The following IFI27 variants were observed in gnomAD, a reference collection of about 807,000 sequenced individuals.
IFI27 encodes interferon alpha-inducible protein 27, mitochondrial.
IFI27 carries 3 observed loss-of-function variants against 8.9 expected under a neutral mutation model. The ratio of observed to expected loss-of-function variants is 0.34; its 90% CI spans 0.15 to 0.87. The LOEUF (loss-of-function observed/expected upper bound fraction) is 0.87. Among genes scored for constraint, IFI27 ranks in the 40% least tolerant of loss-of-function variants. The probability of loss-of-function intolerance (pLI) is 0.51; values close to 1 mark genes in which losing one functional copy is unlikely to be tolerated. For synonymous variants in IFI27, 66 were observed against 67.3 expected (o/e 0.98, Z 0.09); for missense variants, 152 against 157.7 (o/e 0.96, Z 0.19).
At position 94,115,835 on chromosome 14, in the gene IFI27, CG is replaced by C; in HGVS notation, c.179del (p.Gly60GlufsTer7). ...CTCAGTGCCATGGGCTTCACTGCGG[CG>C]GGAATCGCCTCGTCCTCCATAGCAG... On this transcript the variant is annotated frameshift_variant, in exon 4 of 5. Coordinates refer to ENST00000621160, the Ensembl canonical transcript of IFI27. LOFTEE classifies it high-confidence loss of function. The C allele has an allele frequency of 6.2e-7, 1 of 1,602,600 alleles. No homozygotes were observed. The highest frequency in any genetic ancestry group is 8.5e-7 in the Non-Finnish European group (1 of 1,174,214).
Position 94,112,383 on chromosome 14 carries a change from G to C in IFI27, c.91+610G>C, listed in dbSNP as rs139464943. ...TTGCGGGCATTTTAACTGACATGCAGGATGGTGTGCTGTAGATCCCATTCT... is the reference window on the plus strand; with the variant it reads ...TTGCGGGCATTTTAACTGACATGCACGATGGTGTGCTGTAGATCCCATTCT... On this transcript the variant is annotated intron_variant, in intron 2 of 4. Transcript: ENST00000621160. 2.7e-3 allele frequency among the ~76,000 whole-genome samples: 409 copies of C among 152,330 alleles called. 5 individuals are homozygous for C. In the South Asian group the frequency reaches 0.033, roughly 12 times the overall value.
At chr14:94,115,179 T>C (rs1887343772) in intron 3 of IFI27, 6 of 656,516 alleles carry the variant, frequency 9.1e-6, no homozygotes, top group Non-Finnish European at 1.7e-5. Flanking sequence ...TGAACTCCTC[T>C]GAGCTCCTGT....
upstream of IFI27, among the ~76,000 whole-genome samples, chr14:94,109,300 A>T (rs1025454767): frequency 4.9e-5 from 7 of 143,430 alleles, no homozygotes; most frequent in South Asian, 2.2e-4. Flanking sequence ...AAAACTCCAT[A>T]AAAAAAAAAA....
Position 94,116,065 on chromosome 14 carries a change from T to A in IFI27, c.283+123T>A, listed in dbSNP as rs1338605583. 3.8e-6 allele frequency: 4 copies of A among 1,053,840 alleles called. No homozygotes were observed. Among genetic ancestry groups the A allele is most frequent in the Non-Finnish European group, 5.7e-6 (4 of 704,828 alleles). The allele number at this position is 1,053,840 out of a possible 1,614,324, so 65.3% of individuals were successfully genotyped here. A position where few individuals can be genotyped will look rare whatever the true frequency, so the allele number is the denominator to read the frequency against. ...CTGTTCCTCTGTCTCTCTCTACACA[T>A]TCTCTCAGGGTTTCTCTGAGGGAGA... On this transcript the variant is annotated intron_variant, in intron 4 of 4. Transcript: ENST00000621160. This position sits in a 1 kb window ranked among gnomAD's most constrained non-coding sequence, Gnocchi z 4.3.
At chr14:94,109,299 T>TAA (rs566567719), upstream of IFI27, among the ~76,000 whole-genome samples, 2 of 17,484 alleles carry the variant, frequency 1.1e-4, no homozygotes, top group Non-Finnish European at 2.3e-4. Context: ...CAAAACTCCA[T>TAA]AAAAAAAAAA....
chr14:94,108,400 A>G (rs1032274935), upstream of IFI27, among the ~76,000 whole-genome samples: 3 of 151,602 alleles, frequency 2.0e-5, no homozygotes, highest in Non-Finnish European at 4.4e-5. Context: ...ATTGTGTAGA[A>G]CTGCTGGACA....
chr14:94,115,575 C>T, intron 3 of IFI27: 1 of 616,480 alleles, frequency 1.6e-6, no homozygotes, highest in East Asian at 2.7e-5. Context: ...GAGCCCTGTG[C>T]CCAGTGACCC....
chr14:94,107,802 C>T (rs949861593), upstream of IFI27, among the ~76,000 whole-genome samples: 3 of 151,890 alleles, frequency 2.0e-5, no homozygotes, highest in African/African-American at 4.8e-5. Flanking sequence ...GTACTTGTGT[C>T]GCTGGTTGTT....
upstream of IFI27, among the ~76,000 whole-genome samples, chr14:94,107,068 A>T (rs1199374070): frequency 1.3e-5 from 2 of 151,606 alleles, no homozygotes; most frequent in African/African-American, 4.8e-5. Context: ...TATATCATTT[A>T]TTATTATTAT....
rs1382282070 is a variant in IFI27 at position 94,111,803 on chromosome 14, G to T, written c.91+30G>T. The T allele has an allele frequency of 6.4e-7, 1 of 1,556,940 alleles. No homozygotes were observed. The highest frequency in any genetic ancestry group is 1.1e-5 in the South Asian group (1 of 89,912). ...GTGTTCCTGGGAGGGGCTGGTGCTGGGGGCGAGGAGGCGGCTGGGAAGGGC... is the reference window on the plus strand; with the variant it reads ...GTGTTCCTGGGAGGGGCTGGTGCTGTGGGCGAGGAGGCGGCTGGGAAGGGC... On this transcript the variant is annotated intron_variant, in intron 2 of 4. Transcript: ENST00000621160. This position sits in a 1 kb window ranked among gnomAD's most constrained non-coding sequence, Gnocchi z 4.3.
rs1887190349 is a variant in IFI27, at chr14:94,111,682, C to G, written c.-1C>G. ...AGGCCACGGAATTAACCCGAGCAGG[C>G]ATGGAGGCCTCTGCTCTCACCTCAT... On this transcript the variant is annotated 5_prime_UTR_variant, in exon 2 of 5. Coordinates refer to ENST00000621160, the Ensembl canonical transcript of IFI27. This position sits in a 1 kb window ranked among gnomAD's most constrained non-coding sequence, Gnocchi z 4.3. 6.2e-7 allele frequency: 1 copy of G among 1,613,280 alleles called. No homozygotes were observed. The highest frequency in any genetic ancestry group is 1.6e-4 in the Middle Eastern group (1 of 6,062).
chr14:94,114,798 G>A (rs1206178841), intron 2 of IFI27, 53 bp from the exon 3 acceptor site: 6 of 1,606,816 alleles, frequency 3.7e-6, no homozygotes, highest in Non-Finnish European at 5.1e-6. Context: ...GGCTTAGAAA[G>A]TGGAGGGGAA....
Position 94,116,448 on chromosome 14 carries a change from C to A in IFI27, c.290C>A (p.Thr97Asn). ...ACCCTCTGCTTCTTCCCAGGAGCAA[C>A]TGGACTCTCCGGATTGACCAAGTTC... The change falls in exon 5 of 5, where the codon ACT becomes AAT. Residue 97 changes from threonine (T) to asparagine (N), a missense_variant. Coordinates refer to ENST00000621160, the Ensembl canonical transcript of IFI27. The surrounding 1 kb of genome is among the most constrained non-coding windows in gnomAD (Gnocchi z 4.3). 1 of 1,611,800 alleles carries A rather than the reference C, an allele frequency of 6.2e-7. No homozygotes were observed. Among genetic ancestry groups the A allele is most frequent in the Non-Finnish European group, 8.5e-7 (1 of 1,178,886 alleles).
chr14:94,109,590 GTT>G (rs1480428354), upstream of IFI27, among the ~76,000 whole-genome samples: 1 of 152,206 alleles, frequency 6.6e-6, no homozygotes, highest in African/African-American at 2.4e-5. Flanking sequence ...CCAGGCAAGT[GTT>G]TTTGCATAAC....
chr14:94,110,542 A>G (rs551241772), upstream of IFI27: 193 of 152,318 alleles, frequency 1.3e-3, no homozygotes, highest in African/African-American at 4.5e-3. Context: ...TTAACTGACA[A>G]TGACTGATGC....
chr14:94,111,597 C>A lies in IFI27; in HGVS notation c.-58-28C>A. The A allele has an allele frequency of 9.1e-7, 1 of 1,101,630 alleles. No individual in the cohort carries two copies. The highest frequency in any genetic ancestry group is 1.4e-6 in the Non-Finnish European group (1 of 719,490). 68.2% of individuals were successfully genotyped at this position (1,101,630 alleles called of 1,614,324 possible). ...AGCAAGTCAGGTTGTGTGCCCATCC[C>A]GTCCTCAGAGCTCCATCCCTTCGGC... is the stretch of plus-strand genomic sequence containing the variant. On this transcript the variant is annotated intron_variant, in intron 1 of 4. Coordinates refer to ENST00000621160, the Ensembl canonical transcript of IFI27. The surrounding 1 kb of genome is among the most constrained non-coding windows in gnomAD (Gnocchi z 4.3).
chr14:94,106,406 G>A (rs1887015603), upstream of IFI27, among the ~76,000 whole-genome samples: 1 of 152,164 alleles, frequency 6.6e-6, no homozygotes. Flanking sequence ...GTTTTCCATA[G>A]CAACTACTCC....
At position 94,111,873 on chromosome 14, in the gene IFI27, C is replaced by T; in HGVS notation, c.91+100C>T. 1 of 927,772 alleles carries T rather than the reference C, an allele frequency of 1.1e-6. No homozygotes were observed. The highest frequency in any genetic ancestry group is 1.8e-6 in the Non-Finnish European group (1 of 565,536). The allele number at this position is 927,772 out of a possible 1,614,324, so 57.5% of individuals were successfully genotyped here. A position where few individuals can be genotyped will look rare whatever the true frequency, so the allele number is the denominator to read the frequency against. Reference sequence around the variant, plus strand: ...CCGTGGGAGAGAAAATGGGGGACACCCGCAGCCTTGCTGCCCTGTCCTGTC... The same window carrying T: ...CCGTGGGAGAGAAAATGGGGGACACTCGCAGCCTTGCTGCCCTGTCCTGTC... On this transcript the variant is annotated intron_variant, in intron 2 of 4. Coordinates refer to ENST00000621160, the Ensembl canonical transcript of IFI27. This position sits in a 1 kb window ranked among gnomAD's most constrained non-coding sequence, Gnocchi z 4.3.
exon 3 of IFI27, chr14:94,114,860 C>G: frequency 6.2e-7 from 1 of 1,614,166 alleles, no homozygotes; most frequent in East Asian, 2.2e-5. Context: ...GCCAGGATTG[C>G]TACAGTTGTG....
Sources: allele counts gnomAD v4.1 joint callset (sites outside exome capture counted in the v4.1 genomes callset), GRCh38; gene constraint gnomAD v4.1.1; non-coding constraint Gnocchi (gnomAD v3.1); transcripts MANE v1.5; gene names NCBI Gene and HGNC (gene_info 2026-07-23, HGNC 2026-07-21).